The following CBLB variants were observed in gnomAD, a reference collection of about 807,000 sequenced individuals.
CBLB encodes E3 ubiquitin-protein ligase CBL-B.
In CBLB, 31 loss-of-function variants were observed where a neutral mutation model predicts 104.9. The ratio of observed to expected loss-of-function variants is 0.30; its 90% CI spans 0.22 to 0.40. CBLB has a LOEUF of 0.40. Among genes scored for constraint, CBLB ranks in the 10% least tolerant of loss-of-function variants. The pLI is 1.00. For missense variants in CBLB, 1,062 were observed against 1,214.6 expected, an observed-to-expected ratio of 0.87 and a Z score of 1.87; for synonymous variants, 440 against 422.6, an observed-to-expected ratio of 1.04 and a Z score of -0.51.
chr3:105,852,151 G>A lies in CBLB; in HGVS notation c.419+1263C>T, dbSNP rs184430094. ...ACAGCTAACAGTAAAAGGGCCTCAG[G>A]CAGGCCCTTCAGGAGGTATTCCTGA... On this transcript the variant is annotated intron_variant, in intron 3 of 18. Coordinates refer to ENST00000394030, the MANE Select transcript of CBLB (RefSeq NM_170662.5). Among the ~76,000 whole-genome samples the A allele has an allele frequency of 9.5e-4, 145 of 152,168 alleles. 2 individuals are homozygous for A. The Middle Eastern group carries it at 0.014, about 14-fold the overall frequency.
chr3:105,758,326 A>G (rs532105243), intron 4 of CBLB, among the ~76,000 whole-genome samples: 1 of 152,314 alleles, frequency 6.6e-6, no homozygotes, highest in Admixed American at 6.5e-5. Context: ...ACTCTTCCTT[A>G]TACATGAAAA....
intron 16 of CBLB, 49 bp downstream of exon 16, chr3:105,681,430 T>C: frequency 6.3e-7 from 1 of 1,592,960 alleles, no homozygotes; most frequent in African/African-American, 1.3e-5. Context: ...AATTCTGAAA[T>C]TAAAAGAAGG....
intron 3 of CBLB, among the ~76,000 whole-genome samples, chr3:105,833,478 C>CT (rs954351264): frequency 5.5e-4 from 83 of 151,152 alleles, no homozygotes; most frequent in Admixed American, 1.4e-3. Flanking sequence ...GGAACTTTTA[C>CT]TTTTTTTTTA....
At chr3:105,860,515 T>C (rs1577966096) in intron 2 of CBLB, among the ~76,000 whole-genome samples, 1 of 152,174 alleles carries the variant, frequency 6.6e-6, no homozygotes, top group Non-Finnish European at 1.5e-5. Context: ...GGCCCTAACA[T>C]TTACTAGCTT....
At chr3:105,698,908 C>G (rs2068739307) in intron 12 of CBLB, among the ~76,000 whole-genome samples, 1 of 152,000 alleles carries the variant, frequency 6.6e-6, no homozygotes, top group Non-Finnish European at 1.5e-5. Context: ...GAACAAAAAT[C>G]CTATTTTAAA....
intron 3 of CBLB, among the ~76,000 whole-genome samples, chr3:105,786,884 C>T (rs1362097919): frequency 6.6e-6 from 1 of 152,142 alleles, no homozygotes; most frequent in Non-Finnish European, 1.5e-5. Flanking sequence ...AATGGTATAG[C>T]TGAACCCAAC....
intron 3 of CBLB, among the ~76,000 whole-genome samples, chr3:105,822,938 C>G (rs2086083895): frequency 6.6e-6 from 1 of 152,150 alleles, no homozygotes; most frequent in African/African-American, 2.4e-5. Flanking sequence ...CACAATACAC[C>G]CTACCTTGTT....
chr3:105,804,066 T>C (rs2120104), intron 3 of CBLB, among the ~76,000 whole-genome samples: 25,117 of 152,140 alleles, frequency 0.17, 2,471 homozygotes, highest in Admixed American at 0.28. Flanking sequence ...ATTTTTAATA[T>C]ACACATAAAA....
rs188435448 is a variant in CBLB, at chr3:105,796,941, G to A, written c.420-20399C>T. Among the ~76,000 whole-genome samples the A allele has an allele frequency of 2.9e-4, 44 of 152,110 alleles. No individual in the cohort carries two copies. The East Asian group carries it at 7.3e-3, about 25-fold the overall frequency. On this transcript the variant is annotated intron_variant, in intron 3 of 18. Transcript: ENST00000394030. ...CAAAAAATAACAGGTGCTGGGAAGG[G>A]AATCTTATACACTGCTGAGAAAAGG...
chr3:105,830,454 C>T (rs1470710490), intron 3 of CBLB, among the ~76,000 whole-genome samples: 2 of 152,102 alleles, frequency 1.3e-5, no homozygotes, highest in African/African-American at 4.8e-5. Context: ...AACCCGGATA[C>T]AGAATCAATC....
intron 4 of CBLB, among the ~76,000 whole-genome samples, chr3:105,770,083 T>G (rs1014719423): frequency 7.0e-6 from 1 of 141,990 alleles, no homozygotes; most frequent in African/African-American, 2.5e-5. Flanking sequence ...CTAATTTTTG[T>G]TTTTTTTTTT....
chr3:105,812,812 CCTT>C (rs1057485573), intron 3 of CBLB, among the ~76,000 whole-genome samples: 3 of 152,148 alleles, frequency 2.0e-5, no homozygotes, highest in Non-Finnish European at 2.9e-5. Flanking sequence ...TAACTACTAA[CCTT>C]CTTCTTGAAT....
At chr3:105,726,440 T>C (rs1337532039) in intron 9 of CBLB, among the ~76,000 whole-genome samples, 2 of 152,146 alleles carry the variant, frequency 1.3e-5, no homozygotes, top group South Asian at 4.1e-4. Flanking sequence ...ATTCAAAACA[T>C]AGCTGCATAT....
chr3:105,836,459 C>G (rs2088519083), intron 3 of CBLB, among the ~76,000 whole-genome samples: 1 of 152,004 alleles, frequency 6.6e-6, no homozygotes, highest in South Asian at 2.1e-4. Flanking sequence ...AGGAGGTTCC[C>G]AAATTAGTCT....
chr3:105,820,591 T>A (rs2153056490), intron 3 of CBLB, among the ~76,000 whole-genome samples: 1 of 152,254 alleles, frequency 6.6e-6, no homozygotes, highest in Admixed American at 6.5e-5. Context: ...CTAAGGAAAA[T>A]AACTTGTCCC....
At chr3:105,728,958 T>C (rs2074001967) in intron 9 of CBLB, among the ~76,000 whole-genome samples, 1 of 152,126 alleles carries the variant, frequency 6.6e-6, no homozygotes, top group African/African-American at 2.4e-5. Flanking sequence ...TGAATTTCAA[T>C]TAAACCAAAG....
chr3:105,655,684 C>T lies in CBLB; in HGVS notation c.*3286G>A. 5.0e-6 allele frequency: 1 copy of T among 198,642 alleles called. No homozygotes were observed. Among genetic ancestry groups the T allele is most frequent in the Non-Finnish European group, 1.0e-5 (1 of 95,870 alleles). The allele number at this position is 198,642 out of a possible 1,614,324, so 12.3% of individuals were successfully genotyped here. ...TTGGTGTCTTTGTCTGGAAAACTTT[C>T]CCAGAATCACTAAAATTCCAGGTCA... is the stretch of plus-strand genomic sequence containing the variant. On this transcript the variant is annotated 3_prime_UTR_variant, in exon 19 of 19. Transcript: ENST00000394030.
chr3:105,695,258 A>G (rs1472337180), intron 12 of CBLB, among the ~76,000 whole-genome samples: 2 of 151,878 alleles, frequency 1.3e-5, no homozygotes, highest in African/African-American at 2.4e-5. Flanking sequence ...TAAAAGACAG[A>G]TATGGGAATA....
At chr3:105,669,458 T>C (rs894947718) in intron 18 of CBLB, among the ~76,000 whole-genome samples, 6 of 152,162 alleles carry the variant, frequency 3.9e-5, no homozygotes, top group Admixed American at 2.6e-4. Context: ...CTGTGAGATA[T>C]AAATGTTTGC....
Sources: gnomAD v4.1 joint callset for allele counts (sites outside exome capture counted in the v4.1 genomes callset) on GRCh38, gnomAD v4.1.1 for gene constraint, MANE v1.5 for transcripts, NCBI Gene and HGNC (gene_info 2026-07-23, HGNC 2026-07-21) for gene names.